The following SNW1 variants were observed in gnomAD, a reference collection of about 807,000 sequenced individuals.
SNW1 encodes SNW domain containing 1.
A neutral mutation model predicts 75.6 loss-of-function variants in SNW1; 9 were observed. The observed-to-expected ratio is 0.12, with a 90% CI of 0.07 to 0.21. SNW1 has a LOEUF of 0.21. Ranked by LOEUF, SNW1 falls within the 10% of genes least tolerant of loss-of-function variation. The pLI, the probability that SNW1 is intolerant of heterozygous loss-of-function variation, is 1.00. For missense variants in SNW1, 409 were observed against 670.9 expected, an observed-to-expected ratio of 0.61 and a Z score of 4.31; for synonymous variants, 200 against 219.1, an observed-to-expected ratio of 0.91 and a Z score of 0.77.
At chr14:77,743,135 G>C (rs1043732956) in intron 3 of SNW1, among the ~76,000 whole-genome samples, 1 of 151,614 alleles carries the variant, frequency 6.6e-6, no homozygotes, top group Non-Finnish European at 1.5e-5. Context: ...TGAGGCAGGA[G>C]AATCACTTGA....
intron 3 of SNW1, among the ~76,000 whole-genome samples, chr14:77,748,368 C>T (rs1337803676): frequency 1.3e-5 from 2 of 151,836 alleles, no homozygotes; most frequent in African/African-American, 2.4e-5. Flanking sequence ...ATGACCCTGC[C>T]AAATCCCCCT....
chr14:77,723,368 GAGAC>G (rs1320293028), intron 10 of SNW1, 91 bp from the exon 11 acceptor site: 16 of 966,574 alleles, frequency 1.7e-5, no homozygotes, highest in Admixed American at 7.3e-5. Flanking sequence ...TTTTTAAAAA[GAGAC>G]AGCATCTCAC....
At chr14:77,731,336 A>C (rs2080625407) in intron 9 of SNW1, among the ~76,000 whole-genome samples, 1 of 152,250 alleles carries the variant, frequency 6.6e-6, no homozygotes, top group African/African-American at 2.4e-5. Flanking sequence ...GGAATATTTT[A>C]GTGATTGAAA....
intron 1 of SNW1, 114 bp downstream of exon 1, chr14:77,761,000 C>A: frequency 6.2e-7 from 1 of 1,612,904 alleles, no homozygotes; most frequent in African/African-American, 1.3e-5. Context: ...TAGTCTTGGC[C>A]CACGTCATTC....
rs200462543 is a variant in SNW1 at position 77,720,970 on chromosome 14, CATA to C, written c.1131-145_1131-143del. 3.8e-3 allele frequency: 2,498 copies of C among 657,682 alleles called. 57 individuals carry two copies. The African/African-American group carries it at 0.041, about 11-fold the overall frequency. 40.7% of individuals were successfully genotyped at this position (657,682 alleles called of 1,614,324 possible). On this transcript the variant is annotated intron_variant, in intron 11 of 13. Coordinates refer to ENST00000261531, the MANE Select transcript of SNW1 (RefSeq NM_012245.3). ...TGTGAACATATATTCCTTGATGATACATAATCAAGCTGGCAGCCCTTATAAAGC... is the reference window on the plus strand; with the variant it reads ...TGTGAACATATATTCCTTGATGATACATCAAGCTGGCAGCCCTTATAAAGC...
chr14:77,730,368 A>G (rs2080618740), intron 10 of SNW1, among the ~76,000 whole-genome samples: 1 of 152,230 alleles, frequency 6.6e-6, no homozygotes, highest in Admixed American at 6.5e-5. Context: ...TTTGTGTCTA[A>G]AAGAGAACCT....
chr14:77,759,584 C>G (rs2080869538), intron 1 of SNW1, among the ~76,000 whole-genome samples: 1 of 152,166 alleles, frequency 6.6e-6, no homozygotes, highest in Non-Finnish European at 1.5e-5. Context: ...TCAAATTCCA[C>G]CTTTTCCACA....
chr14:77,760,636 C>T, intron 1 of SNW1: 1 of 702,290 alleles, frequency 1.4e-6, no homozygotes. Context: ...TGTTCAGCTC[C>T]GGGCCTCTTT....
At chr14:77,747,986 G>C (rs1037915164) in intron 3 of SNW1, among the ~76,000 whole-genome samples, 1 of 152,238 alleles carries the variant, frequency 6.6e-6, no homozygotes, top group African/African-American at 2.4e-5. Flanking sequence ...GAAATGTGGG[G>C]AAAAGATAGA....
At chr14:77,752,615 T>C (rs1331139963) in intron 2 of SNW1, among the ~76,000 whole-genome samples, 6 of 152,142 alleles carry the variant, frequency 3.9e-5, no homozygotes, top group Non-Finnish European at 8.8e-5. Context: ...AACCCAGATC[T>C]TTTGAGACTC....
chr14:77,758,597 C>T (rs1224503273), intron 1 of SNW1, among the ~76,000 whole-genome samples: 1 of 152,160 alleles, frequency 6.6e-6, no homozygotes, highest in Non-Finnish European at 1.5e-5. Flanking sequence ...TATTTTATTC[C>T]TAGCATGTAT....
chr14:77,740,147 AAAAAAAAAAAAGAG>A (rs1025594900), intron 3 of SNW1, among the ~76,000 whole-genome samples: 1 of 87,246 alleles, frequency 1.1e-5, no homozygotes, highest in African/African-American at 5.4e-5. Context: ...AAAAAAAAAA[AAAAAAAAAAAAGAG>A]AGAGATACAG....
intron 12 of SNW1, 52 bp downstream of exon 12, chr14:77,720,659 G>A (rs369919044): frequency 4.2e-6 from 5 of 1,178,942 alleles, no homozygotes; most frequent in Non-Finnish European, 3.8e-6. Flanking sequence ...TCGTTTCCCT[G>A]AGGATAGGTA....
At chr14:77,719,737 T>C (rs913319427) in intron 12 of SNW1, among the ~76,000 whole-genome samples, 2 of 152,222 alleles carry the variant, frequency 1.3e-5, no homozygotes, top group African/African-American at 4.8e-5. Context: ...TTCAATTTCC[T>C]CATCTATAAC....
At chr14:77,741,654 C>T (rs1243679129) in intron 3 of SNW1, among the ~76,000 whole-genome samples, 4 of 152,132 alleles carry the variant, frequency 2.6e-5, no homozygotes. Context: ...TAAGATCATA[C>T]AGCTACTATC....
At position 77,723,233 on chromosome 14, in the gene SNW1, G is replaced by T. The variant is rs1470266726; in HGVS notation, c.1078C>A (p.Arg360=). ...TTCCGGTCATGCTGTCTCTCTTTTC[G>T]CCTGTCATGCCGGATTTCATCCCTC... is the stretch of plus-strand genomic sequence containing the variant. ...RERDEIRHDR[R]KERQHDRNLS... Residue 360 remains arginine, a synonymous_variant, in exon 11 of 14, where the codon CGA becomes AGA. Transcript: ENST00000261531. The T allele has an allele frequency of 1.1e-5, 18 of 1,613,862 alleles. No individual in the cohort carries two copies. The highest frequency in any genetic ancestry group is 1.4e-5 in the Non-Finnish European group (17 of 1,180,010).
intron 12 of SNW1, among the ~76,000 whole-genome samples, chr14:77,719,375 C>T (rs866796841): frequency 1.3e-5 from 2 of 152,122 alleles, no homozygotes; most frequent in Non-Finnish European, 2.9e-5. Flanking sequence ...CAGTGGCTCA[C>T]GCCTGTAATC....
chr14:77,758,445 G>A (rs2080860217), intron 1 of SNW1, among the ~76,000 whole-genome samples: 1 of 151,772 alleles, frequency 6.6e-6, no homozygotes. Context: ...AGTATGCCTA[G>A]AGTAGCCCCA....
intron 12 of SNW1, among the ~76,000 whole-genome samples, chr14:77,719,639 T>A (rs1359500289): frequency 2.4e-5 from 2 of 84,270 alleles, no homozygotes; most frequent in African/African-American, 4.8e-5. Context: ...GGACTCCATA[T>A]CAGAAAACAA....
Sources: gnomAD v4.1 joint callset for allele counts (sites outside exome capture counted in the v4.1 genomes callset) on GRCh38, gnomAD v4.1.1 for gene constraint, MANE v1.5 for transcripts, NCBI Gene and HGNC (gene_info 2026-07-23, HGNC 2026-07-21) for gene names.